RABGAP1L: variants seen among roughly 807,000 people sequenced by gnomAD.
RABGAP1L encodes RAB GTPase activating protein 1 like.
In RABGAP1L, 63 loss-of-function variants were observed where a neutral mutation model predicts 137.7. The observed-to-expected ratio is 0.46, with a 90% CI of 0.37 to 0.56. The LOEUF (loss-of-function observed/expected upper bound fraction) is 0.56, where lower values mean the gene tolerates loss of function less well. Ranked by LOEUF, RABGAP1L falls within the 20% of genes least tolerant of loss-of-function variation. RABGAP1L has a pLI of 0.00. For synonymous variants in RABGAP1L, 431 were observed against 433.7 expected (o/e 0.99, Z 0.08); for missense variants, 1,095 against 1,244.0 (o/e 0.88, Z 1.80).
At chr1:174,625,188 T>C (rs1171125003) in intron 13 of RABGAP1L, among the ~76,000 whole-genome samples, 2 of 152,114 alleles carry the variant, frequency 1.3e-5, no homozygotes, top group Non-Finnish European at 2.9e-5. Context: ...GCTTTATTTT[T>C]ATATTACTTT....
chr1:174,338,157 C>T lies in RABGAP1L; in HGVS notation c.1466-32822C>T, dbSNP rs905248408. 1.5e-4 allele frequency among the ~76,000 whole-genome samples: 23 copies of T among 152,212 alleles called. 1 individual carries two copies. Among genetic ancestry groups the T allele is most frequent in the Admixed American group, 1.4e-3 (21 of 15,282 alleles). ...ATGATAGGGTCTCATATCAACTAGACTCAAGCATTTAATGTGAATTTTCTC... is the reference window on the plus strand; with the variant it reads ...ATGATAGGGTCTCATATCAACTAGATTCAAGCATTTAATGTGAATTTTCTC... On this transcript the variant is annotated intron_variant, in intron 11 of 25. Coordinates refer to ENST00000681986, the MANE Select transcript of RABGAP1L (RefSeq NM_001366446.1).
intron 14 of RABGAP1L, among the ~76,000 whole-genome samples, chr1:174,662,350 C>T (rs113142631): frequency 6.0e-5 from 9 of 151,110 alleles, no homozygotes; most frequent in African/African-American, 1.5e-4. Context: ...GTGATCCATC[C>T]GCCTTGGCCT....
At chr1:174,207,757 T>C (rs530878060) in intron 1 of RABGAP1L, among the ~76,000 whole-genome samples, 1 of 152,294 alleles carries the variant, frequency 6.6e-6, no homozygotes, top group South Asian at 2.1e-4. Context: ...GGCTATTAAT[T>C]ATTGTTGATT....
intron 15 of RABGAP1L, among the ~76,000 whole-genome samples, chr1:174,689,067 T>A (rs908767144): frequency 2.0e-4 from 30 of 152,092 alleles, no homozygotes; most frequent in African/African-American, 7.2e-4. Flanking sequence ...TAGATAGTGG[T>A]TACATGCATC....
chr1:174,658,265 T>C (rs887937188), intron 14 of RABGAP1L, among the ~76,000 whole-genome samples: 2 of 152,182 alleles, frequency 1.3e-5, no homozygotes, highest in African/African-American at 2.4e-5. Context: ...TTTCCTGCTA[T>C]TGTGGAGGAG....
intron 19 of RABGAP1L, among the ~76,000 whole-genome samples, chr1:174,822,298 A>G (rs1013046777): frequency 3.9e-5 from 6 of 152,232 alleles, no homozygotes; most frequent in African/African-American, 1.4e-4. Flanking sequence ...AGTAGTTTCT[A>G]TATCAAAGCA....
At chr1:174,558,393 C>A (rs1667011663) in intron 13 of RABGAP1L, among the ~76,000 whole-genome samples, 1 of 152,176 alleles carries the variant, frequency 6.6e-6, no homozygotes, top group Admixed American at 6.5e-5. Flanking sequence ...ATATATATAG[C>A]TTAATAAGTT....
At chr1:174,162,225 G>T (rs978205440) in intron 1 of RABGAP1L, among the ~76,000 whole-genome samples, 1 of 151,980 alleles carries the variant, frequency 6.6e-6, no homozygotes, top group African/African-American at 2.4e-5. Flanking sequence ...GAGTTTTCAT[G>T]TGATCAGCTC....
At chr1:174,539,346 G>T (rs1464572796) in intron 13 of RABGAP1L, among the ~76,000 whole-genome samples, 3 of 151,256 alleles carry the variant, frequency 2.0e-5, no homozygotes, top group Non-Finnish European at 4.4e-5. Context: ...ACAACATGCA[G>T]GTTTGTTACA....
intron 1 of RABGAP1L, among the ~76,000 whole-genome samples, chr1:174,216,355 C>T (rs1391985223): frequency 2.6e-5 from 4 of 152,120 alleles, no homozygotes; most frequent in Admixed American, 6.5e-5. Flanking sequence ...ACTCCATTTG[C>T]CCTGATGTGA....
intron 1 of RABGAP1L, among the ~76,000 whole-genome samples, chr1:174,190,763 G>A (rs905390603): frequency 2.0e-5 from 3 of 152,140 alleles, no homozygotes; most frequent in African/African-American, 7.2e-5. Context: ...CCCAGCTTTT[G>A]GCCTGTCTCC....
At chr1:174,677,943 A>T (rs183981454) in intron 14 of RABGAP1L, among the ~76,000 whole-genome samples, 1 of 152,138 alleles carries the variant, frequency 6.6e-6, no homozygotes, top group Non-Finnish European at 1.5e-5. Context: ...AATGTATTTA[A>T]AAAAGAAAAA....
At chr1:174,425,176 G>T (rs1249725643) in intron 13 of RABGAP1L, among the ~76,000 whole-genome samples, 1 of 152,034 alleles carries the variant, frequency 6.6e-6, no homozygotes, top group African/African-American at 2.4e-5. Context: ...AATAGATAGT[G>T]TAGGATGTTA....
chr1:174,601,336 T>C (rs1048505556), intron 13 of RABGAP1L, among the ~76,000 whole-genome samples: 1 of 152,190 alleles, frequency 6.6e-6, no homozygotes, highest in Non-Finnish European at 1.5e-5. Context: ...GAATTAACAT[T>C]AGGCTCCTTG....
chr1:174,977,845 C>CT (rs1236486606), intron 22 of RABGAP1L, among the ~76,000 whole-genome samples: 7 of 132,598 alleles, frequency 5.3e-5, no homozygotes, highest in Non-Finnish European at 1.2e-4. Context: ...ATCACTATAA[C>CT]TTACCAATTG....
At chr1:174,274,624 G>GTGTGTA (rs1165441434) in intron 8 of RABGAP1L, among the ~76,000 whole-genome samples, 1 of 151,822 alleles carries the variant, frequency 6.6e-6, no homozygotes, top group Admixed American at 6.6e-5. Context: ...GTGTGTGTGT[G>GTGTGTA]TGTGTGTGTG....
chr1:174,345,395 CAA>C (rs963901927), intron 11 of RABGAP1L, among the ~76,000 whole-genome samples: 1 of 152,150 alleles, frequency 6.6e-6, no homozygotes, highest in African/African-American at 2.4e-5. Flanking sequence ...GACATTTTAA[CAA>C]TATTGATTCT....
chr1:174,784,017 T>G (rs956017749), intron 18 of RABGAP1L, among the ~76,000 whole-genome samples: 2 of 105,070 alleles, frequency 1.9e-5, no homozygotes, highest in Non-Finnish European at 4.0e-5. Flanking sequence ...TCTTCTTTTT[T>G]TTTTTTTTTT....
intron 25 of RABGAP1L, among the ~76,000 whole-genome samples, chr1:174,989,118 A>G (rs1430059621): frequency 1.3e-5 from 2 of 152,138 alleles, no homozygotes; most frequent in Non-Finnish European, 2.9e-5. Flanking sequence ...TTTTGCTTAC[A>G]TCCTTTCTCA....
Sources: gnomAD v4.1 joint callset for allele counts (sites outside exome capture counted in the v4.1 genomes callset) on GRCh38, gnomAD v4.1.1 for gene constraint, MANE v1.5 for transcripts, NCBI Gene and HGNC (gene_info 2026-07-23, HGNC 2026-07-21) for gene names.